Variants in RUFY3 observed in about 807,000 individuals in gnomAD.
The protein encoded by RUFY3 is RUN and FYVE domain containing 3, also known as protein RUFY3.
A neutral mutation model predicts 84.0 loss-of-function variants in RUFY3; 34 were observed. The ratio of observed to expected loss-of-function variants is 0.40; its 90% confidence interval spans 0.31 to 0.54. RUFY3 has a LOEUF of 0.54. Ranked by LOEUF, RUFY3 falls within the 20% of genes least tolerant of loss-of-function variation. RUFY3 has a pLI of 0.39. For synonymous variants in RUFY3, 242 were observed against 252.9 expected (o/e 0.96, Z 0.41); for missense variants, 507 against 736.8 (o/e 0.69, Z 3.61).
At position 70,709,124 on chromosome 4, in the gene RUFY3, C is replaced by T. The variant is rs539651824; in HGVS notation, c.358+3830C>T. On this transcript the variant is annotated intron_variant, in intron 1 of 11. Coordinates refer to the RUFY3 transcript ENST00000417478. ...GGTTTGTCACATGAATTGTTTTGTT[C>T]CAAAATCTTGCAGGATATAATATCC... Among the ~76,000 whole-genome samples, 4 of 152,246 alleles carry T rather than the reference C, an allele frequency of 2.6e-5. No individual in the cohort carries two copies. In the South Asian group the frequency reaches 8.3e-4, roughly 32 times the overall value.
Position 70,787,076 on chromosome 4 carries a change from G to A in RUFY3, c.1072-1730G>A, listed in dbSNP as rs183379622. Among the ~76,000 whole-genome samples the A allele has an allele frequency of 1.3e-3, 188 of 148,978 alleles. 1 individual carries two copies. The highest frequency in any genetic ancestry group is 2.0e-3 in the Admixed American group (30 of 14,864). On this transcript the variant is annotated intron_variant, in intron 10 of 17. Coordinates refer to ENST00000381006, the MANE Select transcript of RUFY3 (RefSeq NM_001037442.4). Reference sequence around the variant, plus strand: ...TCCCAGCTACTTGGGAAGCTGAGGAGGGAGATCACCTGAGCCCAAGGAGGT... The same window carrying A: ...TCCCAGCTACTTGGGAAGCTGAGGAAGGAGATCACCTGAGCCCAAGGAGGT...
intron 1 of RUFY3, among the ~76,000 whole-genome samples, chr4:70,729,025 C>T (rs1347997629): frequency 6.6e-6 from 1 of 151,838 alleles, no homozygotes; most frequent in African/African-American, 2.4e-5. Context: ...CAATGGAAAA[C>T]TTTATTGCTG....
At chr4:70,740,127 A>T (rs1721091134) in intron 1 of RUFY3, among the ~76,000 whole-genome samples, 1 of 152,192 alleles carries the variant, frequency 6.6e-6, no homozygotes, top group Admixed American at 6.5e-5. Flanking sequence ...CTTAAGGTAC[A>T]TAGTGACTCA....
At chr4:70,801,851 G>A (rs945650637) in intron 15 of RUFY3, among the ~76,000 whole-genome samples, 2 of 152,122 alleles carry the variant, frequency 1.3e-5, no homozygotes, top group African/African-American at 4.8e-5. Context: ...AAATTAACCT[G>A]GGCTTCCAGG....
rs575559983 is a variant in RUFY3 at position 70,804,350 on chromosome 4, T to C, written c.1653T>C (p.Asp551=). 5.0e-6 allele frequency: 8 copies of C among 1,613,930 alleles called. No homozygotes were observed. The highest frequency in any genetic ancestry group is 4.4e-5 in the South Asian group (4 of 91,048). Residue 551 remains aspartate (D), a splice_region_variant and synonymous_variant, in exon 17 of 18, where the codon GAT becomes GAC. Coordinates refer to ENST00000381006, the MANE Select transcript of RUFY3 (RefSeq NM_001037442.4). ...RLQPHPMDEQ[D]QLLLSEKPQL... The stretch of plus-strand genomic sequence containing the variant: ...AACCAGCTCCCTGTGTGGTTTAGGA[T>C]CAGCTGCTGCTCTCTGAAAAGCCAC...
At chr4:70,770,785 CT>C (rs1726822930) in intron 5 of RUFY3, among the ~76,000 whole-genome samples, 1 of 152,176 alleles carries the variant, frequency 6.6e-6, no homozygotes, top group Non-Finnish European at 1.5e-5. Context: ...AAAAGCCTAC[CT>C]TTTGGCCTGT....
At chr4:70,714,825 C>G (rs1741386600) in intron 1 of RUFY3, among the ~76,000 whole-genome samples, 1 of 152,096 alleles carries the variant, frequency 6.6e-6, no homozygotes, top group South Asian at 2.1e-4. Context: ...GATAAATTTC[C>G]CAAGGTCACC....
chr4:70,726,473 C>A (rs1718261529), intron 1 of RUFY3, among the ~76,000 whole-genome samples: 1 of 152,186 alleles, frequency 6.6e-6, no homozygotes, highest in Non-Finnish European at 1.5e-5. Context: ...AGCAATTCTC[C>A]TTAACTCAGA....
chr4:70,733,809 A>G (rs1719849019), intron 1 of RUFY3, among the ~76,000 whole-genome samples: 1 of 152,210 alleles, frequency 6.6e-6, no homozygotes, highest in Non-Finnish European at 1.5e-5. Context: ...TTATCTCTGG[A>G]TAGTGGAATT....
At chr4:70,712,793 C>T (rs1741129958) in intron 1 of RUFY3, among the ~76,000 whole-genome samples, 1 of 152,152 alleles carries the variant, frequency 6.6e-6, no homozygotes, top group African/African-American at 2.4e-5. Context: ...TATCATTGCA[C>T]AATAGGCAAC....
chr4:70,777,599 A>T (rs971687204), intron 7 of RUFY3, among the ~76,000 whole-genome samples: 4 of 152,212 alleles, frequency 2.6e-5, no homozygotes, highest in Non-Finnish European at 5.9e-5. Flanking sequence ...AACTATGGAG[A>T]TGTTAGCCAA....
rs1733018727 is a variant in RUFY3, at chr4:70,808,189, G to C, written c.*1530G>C. Among the ~76,000 whole-genome samples the C allele has an allele frequency of 1.3e-5, 2 of 152,094 alleles. No individual in the cohort carries two copies. Among genetic ancestry groups the C allele is most frequent in the African/African-American group, 4.8e-5 (2 of 41,404 alleles). The stretch of plus-strand genomic sequence containing the variant: ...AGTTTTGCTTTTTTGGAACTTTGTG[G>C]AATTTTTCTTTTTCTGAATATTTTT... On this transcript the variant is annotated 3_prime_UTR_variant, in exon 18 of 18. Transcript: ENST00000381006.
At chr4:70,733,429 T>C (rs1425959395) in intron 1 of RUFY3, among the ~76,000 whole-genome samples, 1 of 152,318 alleles carries the variant, frequency 6.6e-6, no homozygotes, top group East Asian at 1.9e-4. Context: ...GAAATCATTT[T>C]ATCATTGTGA....
intron 1 of RUFY3, among the ~76,000 whole-genome samples, chr4:70,746,237 G>A (rs1019709450): frequency 1.3e-4 from 20 of 151,958 alleles, no homozygotes; most frequent in African/African-American, 4.6e-4. Flanking sequence ...CCCAGTTCCT[G>A]GGAGTCTGAG....
At chr4:70,776,355 T>G (rs986244540) in intron 7 of RUFY3, among the ~76,000 whole-genome samples, 1 of 152,176 alleles carries the variant, frequency 6.6e-6, no homozygotes, top group Non-Finnish European at 1.5e-5. Flanking sequence ...TCATTGAACT[T>G]CTTCTTCCTA....
intron 10 of RUFY3, among the ~76,000 whole-genome samples, chr4:70,785,690 A>T (rs1346141355): frequency 1.3e-5 from 2 of 150,540 alleles, no homozygotes; most frequent in Non-Finnish European, 3.0e-5. Context: ...AAAAAAAATC[A>T]GCCGGGCATG....
At chr4:70,792,070 C>T (rs1159097686) in intron 12 of RUFY3, 8 of 985,658 alleles carry the variant, frequency 8.1e-6, no homozygotes, top group African/African-American at 1.7e-5. Flanking sequence ...CCTGCAATTC[C>T]GCTTCCTACT....
Position 70,807,811 on chromosome 4 carries a change from G to A in RUFY3, c.*1152G>A, listed in dbSNP as rs1465212838. 6.6e-6 allele frequency among the ~76,000 whole-genome samples: 1 copy of A among 151,950 alleles called. No homozygotes were observed. The highest frequency in any genetic ancestry group is 2.4e-5 in the African/African-American group (1 of 41,376). On this transcript the variant is annotated 3_prime_UTR_variant, in exon 18 of 18. Transcript: ENST00000381006. ...CACCACACCTGGCCAAGTTTAATTT[G>A]TTCATGGCTGAGAACAGTTAGCTCG...
chr4:70,796,356 T>C (rs1024815914), intron 14 of RUFY3, among the ~76,000 whole-genome samples: 2 of 152,236 alleles, frequency 1.3e-5, no homozygotes, highest in African/African-American at 4.8e-5. Flanking sequence ...ATTGCACCAC[T>C]TCCACCTCTT....
Sources: gnomAD v4.1 joint callset for allele counts (sites outside exome capture counted in the v4.1 genomes callset) on GRCh38, gnomAD v4.1.1 for gene constraint, MANE v1.5 for transcripts, NCBI Gene and HGNC (gene_info 2026-07-23, HGNC 2026-07-21) for gene names.